The following ZNF592 variants were observed in gnomAD, a reference collection of about 807,000 sequenced individuals.
The protein encoded by ZNF592 is spinocerebellar ataxia, autosomal recessive 5.
In ZNF592, 11 loss-of-function variants were observed where a neutral mutation model predicts 80.3. The ratio of observed to expected loss-of-function variants is 0.14; its 90% CI spans 0.09 to 0.23. The LOEUF (loss-of-function observed/expected upper bound fraction) is 0.23. Among genes scored for constraint, ZNF592 ranks in the 10% least tolerant of loss-of-function variants. ZNF592 has a pLI of 1.00. For synonymous variants in ZNF592, 646 were observed against 640.3 expected (o/e 1.01, Z -0.13); for missense variants, 1,420 against 1,633.9 (o/e 0.87, Z 2.26).
At chr15:84,785,371 G>A (rs1049696093) in intron 4 of ZNF592, among the ~76,000 whole-genome samples, 1 of 152,046 alleles carries the variant, frequency 6.6e-6, no homozygotes, top group African/African-American at 2.4e-5. Flanking sequence ...GAGTGCACTG[G>A]TGGGATCTCA....
At position 84,784,043 on chromosome 15, in the gene ZNF592, T is replaced by C. The variant is rs755614742; in HGVS notation, c.1368T>C (p.Ser456=). The change falls in exon 4 of 11, where the codon AGT becomes AGC. Residue 456 remains serine, a synonymous_variant. Coordinates refer to ENST00000560079, the MANE Select transcript of ZNF592 (RefSeq NM_014630.3). This position sits in a 1 kb window ranked among gnomAD's most constrained non-coding sequence, Gnocchi z 5.8. ...RKGDESMTKA[S]DSSSPSCSSG... is the part of the protein sequence containing the mutation. ...GGGACGAGAGCATGACAAAGGCCAGTGACTCGTCATCTCCCAGCTGCAGTT... is the reference window on the plus strand; with the variant it reads ...GGGACGAGAGCATGACAAAGGCCAGCGACTCGTCATCTCCCAGCTGCAGTT... 19 of 1,612,660 alleles carry C rather than the reference T, an allele frequency of 1.2e-5. No individual in the cohort carries two copies. The highest frequency in any genetic ancestry group is 1.6e-5 in the Non-Finnish European group (19 of 1,178,946).
chr15:84,769,668 G>A (rs1367369603), intron 2 of ZNF592, among the ~76,000 whole-genome samples: 1 of 152,080 alleles, frequency 6.6e-6, no homozygotes, highest in Non-Finnish European at 1.5e-5. Flanking sequence ...TGGAGGCTGT[G>A]GGAAAGATGG....
In ZNF592 at chr15:84,798,902, C is replaced by G. The variant is rs779327563; in HGVS notation, c.3024+27C>G. ...TAAGTGCAGCCACACAGTCATAATGCAGAGCCCAGTCCTCTGGACTTCCTT... is the reference window on the plus strand; with the variant it reads ...TAAGTGCAGCCACACAGTCATAATGGAGAGCCCAGTCCTCTGGACTTCCTT... On this transcript the variant is annotated intron_variant, in intron 8 of 10. Transcript: ENST00000560079. The surrounding 1 kb of genome is among the most constrained non-coding windows in gnomAD (Gnocchi z 4.5). 3 of 1,598,144 alleles carry G rather than the reference C, an allele frequency of 1.9e-6. No homozygotes were observed. Among genetic ancestry groups the G allele is most frequent in the South Asian group, 2.2e-5 (2 of 90,878 alleles).
intron 4 of ZNF592, among the ~76,000 whole-genome samples, chr15:84,790,132 G>A (rs903628272): frequency 6.8e-5 from 9 of 132,056 alleles, no homozygotes; most frequent in African/African-American, 2.3e-4. Context: ...AACCTGCAGA[G>A]TGGGCAAACA....
At chr15:84,753,397 A>G (rs1204387177) in intron 1 of ZNF592, 3 of 152,226 alleles carry the variant, frequency 2.0e-5, no homozygotes, top group African/African-American at 7.2e-5. Flanking sequence ...TTCCCTACAC[A>G]TTGGAGACAG....
intron 5 of ZNF592, among the ~76,000 whole-genome samples, chr15:84,791,211 A>G (rs1013706729): frequency 2.0e-5 from 3 of 152,250 alleles, no homozygotes; most frequent in Non-Finnish European, 2.9e-5. Context: ...GGCACATTAA[A>G]TGTAAAGTGC....
Position 84,798,725 on chromosome 15 carries a change from G to A in ZNF592, c.2874G>A (p.Leu958=), listed in dbSNP as rs377763099. The A allele has an allele frequency of 4.7e-5, 75 of 1,611,714 alleles. No homozygotes were observed. In the African/African-American group the frequency reaches 9.1e-4, roughly 19 times the overall value. Reference sequence around the variant, plus strand: ...GTGTGGCTGCTCGGAGCAGCTCCCTGCCTTCTGGCCGCTGGGGTAGGCCTG... The same window carrying A: ...GTGTGGCTGCTCGGAGCAGCTCCCTACCTTCTGGCCGCTGGGGTAGGCCTG... ...ATSVAARSSS[L]PSGRWGRPEA... is the part of the protein sequence containing the mutation. Residue 958 remains leucine, a synonymous_variant, in exon 8 of 11, where the codon CTG becomes CTA. Transcript: ENST00000560079. This position sits in a 1 kb window ranked among gnomAD's most constrained non-coding sequence, Gnocchi z 4.5.
chr15:84,766,791 C>T (rs982865692), intron 2 of ZNF592, among the ~76,000 whole-genome samples: 1 of 150,804 alleles, frequency 6.6e-6, no homozygotes, highest in African/African-American at 2.4e-5. Flanking sequence ...TTTACCAGCC[C>T]TTTGACTCAC....
At chr15:84,792,928 GA>G (rs770551929) in intron 5 of ZNF592, among the ~76,000 whole-genome samples, 2 of 152,210 alleles carry the variant, frequency 1.3e-5, no homozygotes, top group East Asian at 3.9e-4. Context: ...CCAAACATCT[GA>G]ATATGTTTTT....
intron 10 of ZNF592, among the ~76,000 whole-genome samples, chr15:84,800,204 C>T (rs1247761760): frequency 6.6e-6 from 1 of 152,212 alleles, no homozygotes; most frequent in Non-Finnish European, 1.5e-5. Context: ...TGTTGCTTCC[C>T]TGTCACCACG....
intron 5 of ZNF592, 121 bp from the exon 6 acceptor site, chr15:84,797,748 G>A: frequency 8.8e-7 from 1 of 1,139,224 alleles, no homozygotes; most frequent in Non-Finnish European, 1.3e-6. Context: ...AGTGATTGAG[G>A]GAGGGAGAAG....
At chr15:84,767,263 C>T (rs1462880670) in intron 2 of ZNF592, among the ~76,000 whole-genome samples, 3 of 152,040 alleles carry the variant, frequency 2.0e-5, no homozygotes, top group African/African-American at 4.8e-5. Context: ...TGAGCTCAGG[C>T]GATCCGCCCG....
chr15:84,776,649 A>C (rs1179595877), intron 2 of ZNF592, among the ~76,000 whole-genome samples: 1 of 152,244 alleles, frequency 6.6e-6, no homozygotes, highest in Non-Finnish European at 1.5e-5. Flanking sequence ...CCAGCTGCTC[A>C]GGAGGCTGAG....
chr15:84,788,887 T>C (rs1023790431), intron 4 of ZNF592, among the ~76,000 whole-genome samples: 10 of 152,086 alleles, frequency 6.6e-5, no homozygotes, highest in African/African-American at 2.2e-4. Flanking sequence ...GTCCTCAAGA[T>C]TCATTTATGT....
chr15:84,750,137 A>G (rs554633278), intron 1 of ZNF592, among the ~76,000 whole-genome samples: 4 of 152,360 alleles, frequency 2.6e-5, no homozygotes, highest in African/African-American at 7.2e-5. Flanking sequence ...CCCCGTCTCC[A>G]CTAAAAAAAT....
rs188426987 is a variant in ZNF592, at chr15:84,762,383, G to A, written c.-258-2324G>A. Among the ~76,000 whole-genome samples the A allele has an allele frequency of 8.5e-5, 13 of 152,310 alleles. No individual in the cohort carries two copies. In the East Asian group the frequency reaches 2.1e-3, roughly 25 times the overall value. Reference sequence around the variant, plus strand: ...CTCATGGATTAAATGGCCTTTGAGCGGAGGTCTGAAGGAAGTGAGAGAGGG... The same window carrying A: ...CTCATGGATTAAATGGCCTTTGAGCAGAGGTCTGAAGGAAGTGAGAGAGGG... On this transcript the variant is annotated intron_variant, in intron 1 of 10. Coordinates refer to ENST00000560079, the MANE Select transcript of ZNF592 (RefSeq NM_014630.3).
At position 84,798,055 on chromosome 15, in the gene ZNF592, G is replaced by A; in HGVS notation, c.2576+10G>A. On this transcript the variant is annotated intron_variant, in intron 6 of 10. Coordinates refer to ENST00000560079, the MANE Select transcript of ZNF592 (RefSeq NM_014630.3). The surrounding 1 kb of genome is among the most constrained non-coding windows in gnomAD (Gnocchi z 4.5). ...CCCACAGACCCTCCCAGTGAGTGCA[G>A]CTCCAGGGCCAGCAGGCCCTGTGGA... 6.2e-7 allele frequency: 1 copy of A among 1,613,488 alleles called. No homozygotes were observed. Among genetic ancestry groups the A allele is most frequent in the East Asian group, 2.2e-5 (1 of 44,884 alleles).
At chr15:84,761,765 G>T (rs1052985020) in intron 1 of ZNF592, among the ~76,000 whole-genome samples, 3 of 152,122 alleles carry the variant, frequency 2.0e-5, no homozygotes, top group Non-Finnish European at 4.4e-5. Context: ...GTGCTCTCAG[G>T]CTTTCTTCTG....
At chr15:84,779,238 G>A (rs1057301086) in intron 3 of ZNF592, among the ~76,000 whole-genome samples, 17 of 152,160 alleles carry the variant, frequency 1.1e-4, no homozygotes, top group African/African-American at 3.9e-4. Context: ...TCGGTAAATA[G>A]AACTTTTTTA....
Sources: allele counts gnomAD v4.1 joint callset (sites outside exome capture counted in the v4.1 genomes callset), GRCh38; gene constraint gnomAD v4.1.1; non-coding constraint Gnocchi (gnomAD v3.1); transcripts MANE v1.5; gene names NCBI Gene and HGNC (gene_info 2026-07-23, HGNC 2026-07-21).